Variants in EFCAB14 observed in about 807,000 individuals in gnomAD.
EFCAB14 encodes the protein EF-hand calcium-binding domain-containing protein 14.
A neutral mutation model predicts 56.5 loss-of-function variants in EFCAB14; 43 were observed. The observed-to-expected ratio is 0.76, with a 90% CI of 0.60 to 0.98. EFCAB14 has a LOEUF of 0.98. Ranked by LOEUF, EFCAB14 falls within the 50% of genes least tolerant of loss-of-function variation. The pLI is 0.00. For missense variants in EFCAB14, 538 were observed against 580.3 expected (o/e 0.93, Z 0.75); for synonymous variants, 235 against 212.9 (o/e 1.10, Z -0.90).
At chr1:46,695,778 C>A (rs1677070299) in intron 4 of EFCAB14, among the ~76,000 whole-genome samples, 1 of 152,172 alleles carries the variant, frequency 6.6e-6, no homozygotes, top group Admixed American at 6.5e-5. Flanking sequence ...CTCCCAGGCT[C>A]AAGTGATCTT....
Position 46,676,724 on chromosome 1 carries a change from T to C in EFCAB14, c.*1737A>G, listed in dbSNP as rs1569668074. Reference sequence around the variant, plus strand: ...AGTGCCAGGCTAATTTGTTTTAACCTTTCCAAGAAAGTGAAACTGAGCATA... The same window carrying C: ...AGTGCCAGGCTAATTTGTTTTAACCCTTCCAAGAAAGTGAAACTGAGCATA... On this transcript the variant is annotated 3_prime_UTR_variant, in exon 11 of 11. Coordinates refer to ENST00000371933, the MANE Select transcript of EFCAB14 (RefSeq NM_014774.3). 6.5e-6 allele frequency: 1 copy of C among 152,728 alleles called. No individual in the cohort carries two copies. Among genetic ancestry groups the C allele is most frequent in the African/African-American group, 2.4e-5 (1 of 41,572 alleles). 9.5% of individuals were successfully genotyped at this position (152,728 alleles called of 1,614,324 possible).
chr1:46,691,041 A>C (rs955700080), intron 5 of EFCAB14, among the ~76,000 whole-genome samples: 1 of 151,828 alleles, frequency 6.6e-6, no homozygotes, highest in African/African-American at 2.4e-5. Context: ...TCCTTTTTTT[A>C]CTCTTCATAA....
intron 2 of EFCAB14, among the ~76,000 whole-genome samples, chr1:46,710,370 T>C (rs1207654170): frequency 6.6e-6 from 1 of 152,224 alleles, no homozygotes; most frequent in Non-Finnish European, 1.5e-5. Flanking sequence ...TATAGCTATT[T>C]GGAACTATCT....
intron 8 of EFCAB14, among the ~76,000 whole-genome samples, chr1:46,685,917 T>A (rs771692691): frequency 6.6e-6 from 1 of 152,204 alleles, no homozygotes; most frequent in East Asian, 1.9e-4. Flanking sequence ...ATTGTGACTT[T>A]ATCTAGATAA....
chr1:46,680,531 A>G (rs978892793), intron 10 of EFCAB14, among the ~76,000 whole-genome samples: 3 of 152,210 alleles, frequency 2.0e-5, no homozygotes, highest in Admixed American at 2.0e-4. Flanking sequence ...GCAAATCCAT[A>G]GAGATAGTGA....
intron 8 of EFCAB14, among the ~76,000 whole-genome samples, chr1:46,686,135 T>C (rs1224118033): frequency 6.6e-6 from 1 of 152,182 alleles, no homozygotes; most frequent in Admixed American, 6.5e-5. Context: ...TTTAACACTC[T>C]AATCAGAGAA....
intron 3 of EFCAB14, among the ~76,000 whole-genome samples, chr1:46,703,441 A>G (rs912585198): frequency 5.3e-5 from 8 of 152,182 alleles, no homozygotes; most frequent in South Asian, 2.1e-4. Context: ...AATACAATAC[A>G]TAACCTTGTT....
At chr1:46,691,614 C>T (rs1398576200) in intron 5 of EFCAB14, among the ~76,000 whole-genome samples, 1 of 152,230 alleles carries the variant, frequency 6.6e-6, no homozygotes, top group African/African-American at 2.4e-5. Flanking sequence ...TACCTTACCT[C>T]CTCCAGTACT....
At chr1:46,713,164 G>A (rs1257670696) in intron 2 of EFCAB14, among the ~76,000 whole-genome samples, 1 of 150,694 alleles carries the variant, frequency 6.6e-6, no homozygotes, top group Non-Finnish European at 1.5e-5. Context: ...AGTCTATGAT[G>A]GTTTAGCCTA....
intron 2 of EFCAB14, among the ~76,000 whole-genome samples, chr1:46,709,830 A>T (rs936415723): frequency 6.6e-6 from 1 of 152,122 alleles, no homozygotes; most frequent in African/African-American, 2.4e-5. Flanking sequence ...TCTACTAAAA[A>T]TACAAAAATT....
chr1:46,684,742 A>G lies in EFCAB14; in HGVS notation c.1075-140T>C. 6.2e-6 allele frequency: 4 copies of G among 648,928 alleles called. No homozygotes were observed. The South Asian group carries it at 7.5e-5, about 12-fold the overall frequency. 40.2% of individuals were successfully genotyped at this position (648,928 alleles called of 1,614,324 possible). On this transcript the variant is annotated intron_variant, in intron 8 of 10. Transcript: ENST00000371933. Reference sequence around the variant, plus strand: ...TATAAAGACAATAAAAGAATGAATCAACATATACTGGTGATGTCTTTGGTC... The same window carrying G: ...TATAAAGACAATAAAAGAATGAATCGACATATACTGGTGATGTCTTTGGTC...
At chr1:46,696,502 C>CA (rs1557445324) in intron 4 of EFCAB14, 49 bp downstream of exon 4, 1 of 1,547,350 alleles carries the variant, frequency 6.5e-7, no homozygotes, top group African/African-American at 1.4e-5. Context: ...ATAGTACCCA[C>CA]ACATGGCACC....
Position 46,695,037 on chromosome 1 carries a change from T to C in EFCAB14, c.579+1514A>G, listed in dbSNP as rs1303675667. Reference sequence around the variant, plus strand: ...GGTGGGAATTGAACAATGAGAACACTTGGACACAGGAAGGGGAACATCACA... The same window carrying C: ...GGTGGGAATTGAACAATGAGAACACCTGGACACAGGAAGGGGAACATCACA... On this transcript the variant is annotated intron_variant, in intron 4 of 10. Transcript: ENST00000371933. Among the ~76,000 whole-genome samples the C allele has an allele frequency of 3.0e-5, 4 of 133,852 alleles. No homozygotes were observed. The South Asian group carries it at 7.1e-4, about 24-fold the overall frequency. 87.8% of individuals were successfully genotyped at this position (133,852 alleles called of 152,430 possible). A position where few individuals can be genotyped will look rare whatever the true frequency, so the allele number is the denominator to read the frequency against.
At chr1:46,706,822 G>A (rs959965583) in intron 3 of EFCAB14, among the ~76,000 whole-genome samples, 2 of 152,176 alleles carry the variant, frequency 1.3e-5, no homozygotes, top group Non-Finnish European at 2.9e-5. Flanking sequence ...GAACTGAATG[G>A]AAAGTGTCAT....
chr1:46,686,193 T>A (rs1170574777), intron 8 of EFCAB14, among the ~76,000 whole-genome samples: 2 of 152,208 alleles, frequency 1.3e-5, no homozygotes, highest in Admixed American at 1.3e-4. Context: ...ATATCATAGA[T>A]TGCTGTCTTG....
Position 46,718,197 on chromosome 1 carries a change from C to A in EFCAB14, c.-110G>T. ...GCCTTCCAGGGTTGGGAATCCTGGG[C>A]CAGAGCCCCCTGGTCACTCCCACCT... On this transcript the variant is annotated 5_prime_UTR_variant, in exon 1 of 11. Coordinates refer to ENST00000371933, the MANE Select transcript of EFCAB14 (RefSeq NM_014774.3). 8.4e-7 allele frequency: 1 copy of A among 1,184,882 alleles called. No individual in the cohort carries two copies. The highest frequency in any genetic ancestry group is 1.2e-6 in the Non-Finnish European group (1 of 840,726). The allele number at this position is 1,184,882 out of a possible 1,614,324, so 73.4% of individuals were successfully genotyped here.
At chr1:46,698,557 A>T (rs1007919388) in intron 3 of EFCAB14, among the ~76,000 whole-genome samples, 1 of 152,222 alleles carries the variant, frequency 6.6e-6, no homozygotes, top group Non-Finnish European at 1.5e-5. Context: ...GATAAAATTT[A>T]AACTGAGATC....
In EFCAB14 at chr1:46,708,026, G is replaced by C. The variant is rs1480466208; in HGVS notation, c.360C>G (p.Phe120Leu). 1 of 1,611,694 alleles carries C rather than the reference G, an allele frequency of 6.2e-7. No individual in the cohort carries two copies. The highest frequency in any genetic ancestry group is 8.5e-7 in the Non-Finnish European group (1 of 1,179,450). ...CTTCATTAAGTTTGGGGATTTCTTG[G>C]AATGAGCTTTTCTGATTAGATTCCA... ...RTMESNQKSS[F>L]QEIPKLNEEL... Residue 120 changes from phenylalanine to leucine, a missense_variant, in exon 3 of 11, where the codon TTC becomes TTG. Phe to Leu is a conservative substitution (Grantham distance 22). Transcript: ENST00000371933.
intron 2 of EFCAB14, among the ~76,000 whole-genome samples, chr1:46,711,547 TA>T (rs1173376121): frequency 6.6e-6 from 1 of 151,476 alleles, no homozygotes; most frequent in Admixed American, 6.6e-5. Flanking sequence ...TGGAGCTTTT[TA>T]GGAGAGACAA....
Sources: gnomAD v4.1 joint callset for allele counts (sites outside exome capture counted in the v4.1 genomes callset) on GRCh38, gnomAD v4.1.1 for gene constraint, MANE v1.5 for transcripts, NCBI Gene and HGNC (gene_info 2026-07-23, HGNC 2026-07-21) for gene names.